Variants in GULP1 observed in about 807,000 individuals in gnomAD.
GULP1 encodes PTB domain-containing engulfment adapter protein 1.
A neutral mutation model predicts 40.9 loss-of-function variants in GULP1; 19 were observed. That is an observed-to-expected ratio of 0.46 (90% confidence interval 0.32 to 0.68). GULP1 has a LOEUF of 0.68. GULP1 is among the 30% of genes least tolerant of loss of function. The pLI, the probability that GULP1 is intolerant of heterozygous loss-of-function variation, is 0.03. For synonymous variants in GULP1, 119 were observed against 117.6 expected (o/e 1.01, Z -0.08); for missense variants, 312 against 362.2 (o/e 0.86, Z 1.12).
chr2:188,474,379 A>G (rs2060835147), intron 2 of GULP1, among the ~76,000 whole-genome samples: 1 of 152,168 alleles, frequency 6.6e-6, no homozygotes, highest in South Asian at 2.1e-4. Flanking sequence ...ACTTTAGCCC[A>G]CAGTGGCAAG....
chr2:188,487,469 A>G (rs535791174), intron 4 of GULP1, among the ~76,000 whole-genome samples: 1 of 152,080 alleles, frequency 6.6e-6, no homozygotes, highest in South Asian at 2.1e-4. Flanking sequence ...CAAATGTAAA[A>G]CAAATAGTAA....
chr2:188,318,141 A>T lies in GULP1; in HGVS notation c.-172+25975A>T, dbSNP rs78015792. 4.6e-5 allele frequency among the ~76,000 whole-genome samples: 7 copies of T among 152,286 alleles called. No individual in the cohort carries two copies. In the East Asian group the frequency reaches 1.4e-3, roughly 29 times the overall value. ...TAATAAATGAGGAAAATCAGTCATG[A>T]TCTAGAAAGTGCAGTTATTCTTGTT... On this transcript the variant is annotated intron_variant, in intron 1 of 11. Transcript: ENST00000409830.
chr2:188,483,437 C>A lies in GULP1; in HGVS notation c.35C>A (p.Thr12Lys), dbSNP rs1383447649. Residue 12 changes from threonine (T) to lysine (K), a missense_variant, in exon 4 of 12, where the codon ACA becomes AAA. Coordinates refer to ENST00000409830, the MANE Select transcript of GULP1 (RefSeq NM_016315.4). The stretch of plus-strand genomic sequence containing the variant: ...TGTGTATTTTTTATTGCAGACAAAA[C>A]ATGGATGCATACACCTGAAGCTTTA... ...NRAFSRKKDKTWMHTPEALSK... is the reference protein window; with the variant it reads ...NRAFSRKKDKKWMHTPEALSK... The A allele has an allele frequency of 6.6e-7, 1 of 1,518,014 alleles. No individual in the cohort carries two copies. Among genetic ancestry groups the A allele is most frequent in the Admixed American group, 1.7e-5 (1 of 58,650 alleles). 94.0% of individuals were successfully genotyped at this position (1,518,014 alleles called of 1,614,324 possible). A position where few individuals can be genotyped will look rare whatever the true frequency, so the allele number is the denominator to read the frequency against.
chr2:188,294,225 T>G (rs901567565), intron 1 of GULP1: 2 of 152,210 alleles, frequency 1.3e-5, no homozygotes, highest in Non-Finnish European at 2.9e-5. Flanking sequence ...ACTTAAGGGT[T>G]TGAGCAGATG....
chr2:188,361,607 G>C (rs930036917), intron 1 of GULP1, among the ~76,000 whole-genome samples: 1 of 152,078 alleles, frequency 6.6e-6, no homozygotes, highest in Non-Finnish European at 1.5e-5. Flanking sequence ...TTGCACATTT[G>C]ATGTTTGTTG....
At position 188,296,310 on chromosome 2, in the gene GULP1, T is replaced by C. The variant is rs182942956; in HGVS notation, c.-172+4144T>C. 5.6e-4 allele frequency among the ~76,000 whole-genome samples: 86 copies of C among 152,258 alleles called. 1 individual carries two copies. Among genetic ancestry groups the C allele is most frequent in the African/African-American group, 1.9e-3 (81 of 41,582 alleles). ...GGCCTTTATTTTTAAAGAGAATGGCTAAAAGTCATTGTTCCAGAGTAAGAC... is the reference window on the plus strand; with the variant it reads ...GGCCTTTATTTTTAAAGAGAATGGCCAAAAGTCATTGTTCCAGAGTAAGAC... On this transcript the variant is annotated intron_variant, in intron 1 of 11. Transcript: ENST00000409830.
intron 11 of GULP1, chr2:188,590,418 T>A (rs1355765497): frequency 2.6e-5 from 4 of 152,220 alleles, no homozygotes; most frequent in Non-Finnish European, 5.9e-5. Context: ...TAGCTATCTT[T>A]GCATATCATA....
chr2:188,422,159 A>G (rs1009747656), intron 2 of GULP1, among the ~76,000 whole-genome samples: 1 of 150,858 alleles, frequency 6.6e-6, no homozygotes, highest in Non-Finnish European at 1.5e-5. Context: ...TTTTTAATCA[A>G]TCATGTTGTA....
intron 10 of GULP1, among the ~76,000 whole-genome samples, chr2:188,585,240 C>T (rs1355957696): frequency 6.6e-6 from 1 of 152,198 alleles, no homozygotes; most frequent in African/African-American, 2.4e-5. Context: ...GTACAGCCCC[C>T]ATAGCTGTTT....
At chr2:188,373,218 T>G (rs72909553) in intron 1 of GULP1, among the ~76,000 whole-genome samples, 1,735 of 151,998 alleles carry the variant, frequency 0.011, 14 homozygotes, top group Non-Finnish European at 0.02. Context: ...ATCAAGTACC[T>G]TCAGTACTAA....
rs527415047 is a variant in GULP1 at position 188,400,272 on chromosome 2, A to G, written c.-45+16383A>G. On this transcript the variant is annotated intron_variant, in intron 2 of 11. Transcript: ENST00000409830. ...TATTCTTTCCTCTTCTTATAAACAT[A>G]TCAGTCATTGTATTTAGGGCCCATC... 2.0e-5 allele frequency among the ~76,000 whole-genome samples: 3 copies of G among 152,248 alleles called. No homozygotes were observed. The East Asian group carries it at 5.8e-4, about 29-fold the overall frequency.
rs754573431 is a variant in GULP1 at position 188,520,527 on chromosome 2, T to TAA, written c.91-2209_91-2208dup. On this transcript the variant is annotated intron_variant, in intron 4 of 11. Transcript: ENST00000409830. ...CCTGGAAACACAGCGAGACTCCATC[T>TAA]AAAAAAAAAAAAAAAAAAAAAGTAA... Among the ~76,000 whole-genome samples, 552 of 92,378 alleles carry TAA rather than the reference T, an allele frequency of 6.0e-3. 7 individuals are homozygous for TAA. Among genetic ancestry groups the TAA allele is most frequent in the African/African-American group, 0.018 (467 of 25,710 alleles). 60.6% of individuals were successfully genotyped at this position (92,378 alleles called of 152,430 possible).
intron 1 of GULP1, among the ~76,000 whole-genome samples, chr2:188,367,196 A>G (rs2046922808): frequency 6.6e-6 from 1 of 152,174 alleles, no homozygotes; most frequent in Non-Finnish European, 1.5e-5. Context: ...TTAAATGAAT[A>G]CATTTCAGTT....
chr2:188,497,492 G>A (rs924268454), intron 4 of GULP1, among the ~76,000 whole-genome samples: 1 of 151,912 alleles, frequency 6.6e-6, no homozygotes, highest in African/African-American at 2.4e-5. Flanking sequence ...GTTTCACCAT[G>A]AAATACCTTA....
intron 1 of GULP1, among the ~76,000 whole-genome samples, chr2:188,304,904 G>T (rs572382599): frequency 2.0e-4 from 31 of 152,170 alleles, no homozygotes; most frequent in African/African-American, 7.2e-4. Context: ...AAATATATGG[G>T]TTTTTTTCCC....
chr2:188,541,056 A>G, intron 6 of GULP1, 125 bp from the exon 7 acceptor site: 1 of 798,912 alleles, frequency 1.3e-6, no homozygotes, highest in Non-Finnish European at 2.0e-6. Flanking sequence ...GTACATAATT[A>G]TAAAATCAAA....
chr2:188,582,390 C>T (rs1404860786), intron 9 of GULP1: 5 of 471,398 alleles, frequency 1.1e-5, no homozygotes, highest in Admixed American at 4.7e-5. Context: ...CAGAGATGCT[C>T]ATCCTCTTTC....
chr2:188,323,650 A>G (rs13415894), intron 1 of GULP1, among the ~76,000 whole-genome samples: 9 of 143,676 alleles, frequency 6.3e-5, no homozygotes, highest in East Asian at 2.0e-4. Context: ...ATCTGAAGAT[A>G]TGTGTGTGTG....
At chr2:188,423,417 T>C (rs1342589828) in intron 2 of GULP1, among the ~76,000 whole-genome samples, 4 of 151,936 alleles carry the variant, frequency 2.6e-5, no homozygotes, top group Non-Finnish European at 5.9e-5. Flanking sequence ...TTTTTCCAAG[T>C]AATATTCTTT....
Sources: gnomAD v4.1 joint callset for allele counts (sites outside exome capture counted in the v4.1 genomes callset) on GRCh38, gnomAD v4.1.1 for gene constraint, MANE v1.5 for transcripts, NCBI Gene and HGNC (gene_info 2026-07-23, HGNC 2026-07-21) for gene names.